Variants in MAPKAPK2 observed in about 807,000 individuals in gnomAD.
MAPKAPK2 encodes the protein MAPK activated protein kinase 2.
In MAPKAPK2, 9 loss-of-function variants were observed where a neutral mutation model predicts 48.8. That is an observed-to-expected ratio of 0.18 (90% confidence interval 0.11 to 0.32). MAPKAPK2 has a LOEUF of 0.32. Among genes scored for constraint, MAPKAPK2 ranks in the 10% least tolerant of loss-of-function variants. The probability of loss-of-function intolerance (pLI) is 1.00; values close to 1 mark genes in which losing one functional copy is unlikely to be tolerated. For synonymous variants in MAPKAPK2, 202 were observed against 190.6 expected (o/e 1.06, Z -0.49); for missense variants, 331 against 498.3 (o/e 0.66, Z 3.20).
intron 1 of MAPKAPK2, among the ~76,000 whole-genome samples, chr1:206,701,641 C>T (rs533593057): frequency 3.9e-5 from 6 of 152,074 alleles, no homozygotes; most frequent in Non-Finnish European, 8.8e-5. Context: ...CGAGACCAGC[C>T]TGAGCAACAT....
At chr1:206,697,485 G>T (rs1349896715) in intron 1 of MAPKAPK2, among the ~76,000 whole-genome samples, 1 of 152,112 alleles carries the variant, frequency 6.6e-6, no homozygotes, top group Non-Finnish European at 1.5e-5. Context: ...TGCTCATGGG[G>T]GAAGTTGAAG....
intron 1 of MAPKAPK2, among the ~76,000 whole-genome samples, chr1:206,698,004 C>T (rs782696077): frequency 1.4e-4 from 21 of 152,372 alleles, no homozygotes; most frequent in African/African-American, 2.2e-4. Flanking sequence ...TTGTTGCATC[C>T]GCACTGCTGG....
Position 206,731,365 on chromosome 1 carries a change from G to A in MAPKAPK2, c.892+103G>A, listed in dbSNP as rs1673905963. On this transcript the variant is annotated intron_variant, in intron 7 of 9. Coordinates refer to ENST00000367103, the MANE Select transcript of MAPKAPK2 (RefSeq NM_032960.4). This position sits in a 1 kb window ranked among gnomAD's most constrained non-coding sequence, Gnocchi z 5.9. ...ATGTATGGGCCTCCATCTCATGTGC[G>A]TGGTGTAACTGTGGGTTAGCACCTA... 1.4e-5 allele frequency: 22 copies of A among 1,557,036 alleles called. No homozygotes were observed. Among genetic ancestry groups the A allele is most frequent in the South Asian group, 4.7e-5 (4 of 84,842 alleles).
chr1:206,722,935 G>A (rs1232137573), intron 1 of MAPKAPK2, among the ~76,000 whole-genome samples: 5 of 152,256 alleles, frequency 3.3e-5, no homozygotes, highest in African/African-American at 7.2e-5. Flanking sequence ...GTGGGTTAGT[G>A]TGTGACACAC....
chr1:206,728,308 T>C (rs1336644251), intron 1 of MAPKAPK2, among the ~76,000 whole-genome samples: 6 of 152,148 alleles, frequency 3.9e-5, no homozygotes, highest in African/African-American at 1.4e-4. Flanking sequence ...CTCTGGAGTC[T>C]CTCTTCTCTC....
rs75886851 is a variant in MAPKAPK2, at chr1:206,709,846, C to A, written c.280-18864C>A. Among the ~76,000 whole-genome samples the A allele has an allele frequency of 3.7e-3, 561 of 152,214 alleles. 6 individuals are homozygous for A. The highest frequency in any genetic ancestry group is 0.028 in the Admixed American group (433 of 15,294). ...GTTAGCAGCATCCCTGGCCTCTACC[C>A]ACTTGATGCCAGTTGCAACCATCTA... On this transcript the variant is annotated intron_variant, in intron 1 of 9. Coordinates refer to ENST00000367103, the MANE Select transcript of MAPKAPK2 (RefSeq NM_032960.4).
chr1:206,710,908 A>G (rs1267184287), intron 1 of MAPKAPK2, among the ~76,000 whole-genome samples: 1 of 152,230 alleles, frequency 6.6e-6, no homozygotes, highest in Non-Finnish European at 1.5e-5. Flanking sequence ...CAGTGACTCT[A>G]ATGTTTTAGA....
chr1:206,690,608 G>T (rs1341656091), intron 1 of MAPKAPK2, among the ~76,000 whole-genome samples: 23 of 152,228 alleles, frequency 1.5e-4, no homozygotes, highest in Admixed American at 1.4e-3. Flanking sequence ...CAGGTACAGG[G>T]GATTGGGAGG....
At chr1:206,713,547 C>G (rs1209549242) in intron 1 of MAPKAPK2, among the ~76,000 whole-genome samples, 1 of 152,226 alleles carries the variant, frequency 6.6e-6, no homozygotes, top group East Asian at 1.9e-4. Context: ...TGGAGTACGT[C>G]TCCCTTCTAG....
intron 1 of MAPKAPK2, among the ~76,000 whole-genome samples, chr1:206,688,313 A>G (rs1553425840): frequency 6.6e-6 from 1 of 152,234 alleles, no homozygotes; most frequent in East Asian, 1.9e-4. Context: ...ATTGGAACCC[A>G]GGTTGCCTGA....
intron 2 of MAPKAPK2, 54 bp from the exon 3 acceptor site, chr1:206,728,981 G>C: frequency 6.2e-7 from 1 of 1,611,246 alleles, no homozygotes; most frequent in Non-Finnish European, 8.5e-7. Context: ...GGGGGCAGTG[G>C]AGAGTGGCGG....
chr1:206,693,435 GT>G (rs1439321354), intron 1 of MAPKAPK2, among the ~76,000 whole-genome samples: 1 of 152,062 alleles, frequency 6.6e-6, no homozygotes, highest in Non-Finnish European at 1.5e-5. Flanking sequence ...ACGTGCTATG[GT>G]TTTTATGTCT....
intron 1 of MAPKAPK2, among the ~76,000 whole-genome samples, chr1:206,715,566 T>A (rs1673298373): frequency 6.6e-6 from 1 of 152,148 alleles, no homozygotes; most frequent in East Asian, 1.9e-4. Flanking sequence ...TTGGGATCTC[T>A]GCCCATCATA....
intron 1 of MAPKAPK2, among the ~76,000 whole-genome samples, chr1:206,719,661 C>T (rs782566798): frequency 6.6e-6 from 1 of 152,156 alleles, no homozygotes; most frequent in Admixed American, 6.5e-5. Context: ...ACTCTCTTCC[C>T]CAATCAATGT....
chr1:206,692,380 T>C (rs1390248857), intron 1 of MAPKAPK2, among the ~76,000 whole-genome samples: 2 of 152,156 alleles, frequency 1.3e-5, no homozygotes, highest in East Asian at 1.9e-4. Context: ...AGAAGAGATA[T>C]CAGGAATCCA....
intron 1 of MAPKAPK2, among the ~76,000 whole-genome samples, chr1:206,723,659 C>T (rs782525986): frequency 1.3e-5 from 2 of 152,236 alleles, no homozygotes; most frequent in African/African-American, 2.4e-5. Context: ...GCTTCTAATG[C>T]TGACCACTCC....
Position 206,685,282 on chromosome 1 carries a change from C to T in MAPKAPK2, c.53C>T (p.Ala18Val), listed in dbSNP as rs1553425325. 7.2e-6 allele frequency: 3 copies of T among 415,894 alleles called. No homozygotes were observed. Among genetic ancestry groups the T allele is most frequent in the African/African-American group, 2.2e-5 (1 of 45,468 alleles). 25.8% of individuals were successfully genotyped at this position (415,894 alleles called of 1,614,324 possible). ...CCGCCGGTGCCGTTCCCCGCCCCGG[C>T]CCCGCCGCCGCAGCCCCCCACCCCT... is the stretch of plus-strand genomic sequence containing the variant. Reference protein sequence around the residue: ...QSPPVPFPAPAPPPQPPTPAL... With the variant: ...QSPPVPFPAPVPPPQPPTPAL... The change falls in exon 1 of 10, where the codon GCC becomes GTC. Residue 18 changes from alanine to valine, a missense_variant. By Grantham distance (64) the Ala-to-Val change is moderately conservative (BLOSUM62 0). Transcript: ENST00000367103.
At chr1:206,713,282 G>A (rs1170219424) in intron 1 of MAPKAPK2, among the ~76,000 whole-genome samples, 2 of 152,204 alleles carry the variant, frequency 1.3e-5, no homozygotes, top group Non-Finnish European at 2.9e-5. Context: ...AGGCTTCACA[G>A]AGGAGGTGAC....
At position 206,685,364 on chromosome 1, in the gene MAPKAPK2, G is replaced by A; in HGVS notation, c.135G>A (p.Gln45=). 7.0e-7 allele frequency: 1 copy of A among 1,425,378 alleles called. No homozygotes were observed. Among genetic ancestry groups the A allele is most frequent in the East Asian group, 3.9e-5 (1 of 25,406 alleles). 88.3% of individuals were successfully genotyped at this position (1,425,378 alleles called of 1,614,324 possible). ...PPPPPPQQFP[Q]FHVKSGLQIK... ...CGCCGCCCCCGCAGCAGTTCCCGCA[G>A]TTCCACGTCAAGTCCGGCCTGCAGA... The change falls in exon 1 of 10, where the codon CAG becomes CAA. Residue 45 remains glutamine (Q), a synonymous_variant. Coordinates refer to ENST00000367103, the MANE Select transcript of MAPKAPK2 (RefSeq NM_032960.4).
Sources: allele counts gnomAD v4.1 joint callset (sites outside exome capture counted in the v4.1 genomes callset), GRCh38; gene constraint gnomAD v4.1.1; non-coding constraint Gnocchi (gnomAD v3.1); transcripts MANE v1.5; gene names NCBI Gene and HGNC (gene_info 2026-07-23, HGNC 2026-07-21).